Variants in PRIM2 observed in about 807,000 individuals in gnomAD.
The protein encoded by PRIM2 is DNA primase large subunit.
A neutral mutation model predicts 67.3 loss-of-function variants in PRIM2; 39 were observed. That is an observed-to-expected ratio of 0.58 (90% confidence interval 0.45 to 0.76). The LOEUF is 0.76. PRIM2 is among the 30% of genes least tolerant of loss of function. PRIM2 has a pLI of 0.00. For synonymous variants in PRIM2, 143 were observed against 198.7 expected, an observed-to-expected ratio of 0.72 and a Z score of 2.36; for missense variants, 398 against 598.7, an observed-to-expected ratio of 0.66 and a Z score of 3.50.
At chr6:57,394,645 G>C (rs1770460830) in intron 7 of PRIM2, among the ~76,000 whole-genome samples, 1 of 151,904 alleles carries the variant, frequency 6.6e-6, no homozygotes, top group Non-Finnish European at 1.5e-5. Flanking sequence ...TACCTATTTG[G>C]ATGCCCTTTC....
intron 5 of PRIM2, among the ~76,000 whole-genome samples, chr6:57,334,649 C>G (rs1453159090): frequency 1.3e-5 from 2 of 151,902 alleles, no homozygotes; most frequent in Non-Finnish European, 2.9e-5. Flanking sequence ...AGAACAAGAC[C>G]CTGTCTCTCA....
At chr6:57,333,573 T>G (rs1212512150) in intron 5 of PRIM2, among the ~76,000 whole-genome samples, 1 of 152,146 alleles carries the variant, frequency 6.6e-6, no homozygotes, top group Non-Finnish European at 1.5e-5. Flanking sequence ...TTCTTTTTAT[T>G]ATTGCTTTAA....
rs1290555118 is a variant in PRIM2 at position 57,512,808 on chromosome 6, A to G, written c.761+5354A>G. 4.3e-4 allele frequency among the ~76,000 whole-genome samples: 66 copies of G among 152,128 alleles called. No homozygotes were observed. The South Asian group carries it at 0.01, about 23-fold the overall frequency. ...GATGGGGTTTCATCATGTTGGCCAG[A>G]CTGGTCTCTAACTCCAGACCTCAGG... On this transcript the variant is annotated intron_variant, in intron 8 of 13. Coordinates refer to ENST00000615550, the MANE Select transcript of PRIM2 (RefSeq NM_000947.5).
intron 9 of PRIM2, among the ~76,000 whole-genome samples, chr6:57,535,957 T>C: frequency 6.6e-6 from 1 of 152,140 alleles, no homozygotes; most frequent in Non-Finnish European, 1.5e-5. Context: ...GAATATTGAT[T>C]GTATGGATTA....
At chr6:57,371,494 T>C (rs1769556484) in intron 5 of PRIM2, among the ~76,000 whole-genome samples, 1 of 152,190 alleles carries the variant, frequency 6.6e-6, no homozygotes, top group Non-Finnish European at 1.5e-5. Context: ...TATAAAAGGA[T>C]CATGACAGGT....
intron 7 of PRIM2, among the ~76,000 whole-genome samples, chr6:57,464,871 G>C (rs563181654): frequency 6.6e-6 from 1 of 152,084 alleles, no homozygotes; most frequent in African/African-American, 2.4e-5. Context: ...AATCTTAACA[G>C]TATACTTTAA....
intron 7 of PRIM2, among the ~76,000 whole-genome samples, chr6:57,403,390 G>A (rs1770778021): frequency 6.7e-6 from 1 of 149,554 alleles, no homozygotes; most frequent in African/African-American, 2.4e-5. Context: ...CCTAGTAGCT[G>A]GGACTACAGG....
intron 5 of PRIM2, among the ~76,000 whole-genome samples, chr6:57,366,892 A>C (rs1228348584): frequency 6.6e-6 from 1 of 152,220 alleles, no homozygotes; most frequent in African/African-American, 2.4e-5. Context: ...TGTTCTCATG[A>C]GATAGCAAGG....
At chr6:57,244,388 T>C in the PRIM2 span, among the ~76,000 whole-genome samples, 3 of 152,186 alleles carry the variant, frequency 2.0e-5, no homozygotes, top group African/African-American at 7.2e-5. Flanking sequence ...TAAGAAAAAA[T>C]TAATTTTAAA....
intron 10 of PRIM2, among the ~76,000 whole-genome samples, chr6:57,585,964 G>T (rs1450475131): frequency 1.3e-5 from 2 of 152,104 alleles, no homozygotes; most frequent in Non-Finnish European, 2.9e-5. Context: ...TGCCCAGTTC[G>T]TGTAGCTGTT....
the PRIM2 span, among the ~76,000 whole-genome samples, chr6:57,247,497 C>A: frequency 6.6e-6 from 1 of 152,110 alleles, no homozygotes; most frequent in African/African-American, 2.4e-5. Flanking sequence ...TTATTCAGAG[C>A]AAAATTATTT....
rs116633012 is a variant in PRIM2 at position 57,413,060 on chromosome 6, G to A, written c.693+30892G>A. 7.3e-3 allele frequency among the ~76,000 whole-genome samples: 1,103 copies of A among 151,962 alleles called. 14 individuals carry two copies. Among genetic ancestry groups the A allele is most frequent in the African/African-American group, 0.025 (1,050 of 41,482 alleles). On this transcript the variant is annotated intron_variant, in intron 7 of 13. Coordinates refer to ENST00000615550, the MANE Select transcript of PRIM2 (RefSeq NM_000947.5). ...CATTGTTGAAAGTTTCTGGGGAGTA[G>A]CTACCTGTTAACTAAAAATAGGTAT... is the stretch of plus-strand genomic sequence containing the variant.
rs1047568666 is a variant in PRIM2 at position 57,341,016 on chromosome 6, C to T, written c.459+14971C>T. Among the ~76,000 whole-genome samples the T allele has an allele frequency of 1.1e-4, 16 of 152,124 alleles. 1 individual carries two copies. The highest frequency in any genetic ancestry group is 1.9e-4 in the Non-Finnish European group (13 of 68,016). ...TTATTTATAAATTTATATCCTGTTT[C>T]ACTTTGCTAATCATTTGAGGTGCAT... On this transcript the variant is annotated intron_variant, in intron 5 of 13. Coordinates refer to ENST00000615550, the MANE Select transcript of PRIM2 (RefSeq NM_000947.5).
intron 10 of PRIM2, among the ~76,000 whole-genome samples, chr6:57,558,673 AG>A (rs1194279642): frequency 1.3e-5 from 2 of 151,900 alleles, no homozygotes; most frequent in African/African-American, 2.4e-5. Context: ...ATATATATAT[AG>A]AAGTTAGAAA....
At chr6:57,518,505 C>A (rs1774535748) in intron 8 of PRIM2, among the ~76,000 whole-genome samples, 1 of 152,130 alleles carries the variant, frequency 6.6e-6, no homozygotes, top group Non-Finnish European at 1.5e-5. Context: ...ACTATCTCCC[C>A]ATTACTTATA....
intron 7 of PRIM2, among the ~76,000 whole-genome samples, chr6:57,474,007 C>T (rs1773404649): frequency 6.6e-6 from 1 of 151,468 alleles, no homozygotes; most frequent in South Asian, 2.1e-4. Flanking sequence ...ACTCATTAAA[C>T]TTCATTTTGT....
At chr6:57,496,340 A>G (rs1483560410) in intron 7 of PRIM2, among the ~76,000 whole-genome samples, 1 of 152,216 alleles carries the variant, frequency 6.6e-6, no homozygotes, top group Non-Finnish European at 1.5e-5. Context: ...GGCAGGTTAT[A>G]TGTCTGGAAA....
At chr6:57,352,574 A>G (rs1768892843) in intron 5 of PRIM2, among the ~76,000 whole-genome samples, 2 of 152,142 alleles carry the variant, frequency 1.3e-5, no homozygotes, top group South Asian at 4.1e-4. Flanking sequence ...ATCCTCTAAG[A>G]TGTAGACTTT....
At chr6:57,328,614 G>A (rs1000694681) in intron 5 of PRIM2, among the ~76,000 whole-genome samples, 5 of 152,154 alleles carry the variant, frequency 3.3e-5, no homozygotes, top group African/African-American at 9.7e-5. Context: ...TATGAATAAC[G>A]CTACAGTGAA....
Sources: allele counts gnomAD v4.1 joint callset (sites outside exome capture counted in the v4.1 genomes callset), GRCh38; gene constraint gnomAD v4.1.1; transcripts MANE v1.5; gene names NCBI Gene and HGNC (gene_info 2026-07-23, HGNC 2026-07-21).